Variants in CFAP46 observed in about 807,000 individuals in gnomAD.
The protein encoded by CFAP46 is cilia- and flagella-associated protein 46.
A neutral mutation model predicts 325.7 loss-of-function variants in CFAP46; 245 were observed. The ratio of observed to expected loss-of-function variants is 0.75; its 90% CI spans 0.68 to 0.84. CFAP46 has a LOEUF of 0.84. CFAP46 is among the 40% of genes least tolerant of loss of function. The probability of loss-of-function intolerance (pLI) is 0.00; values close to 1 mark genes in which losing one functional copy is unlikely to be tolerated. For missense variants in CFAP46, 3,346 were observed against 3,543.0 expected (o/e 0.94, Z 1.41); for synonymous variants, 1,523 against 1,495.9 (o/e 1.02, Z -0.42).
intron 20 of CFAP46, 67 bp from the exon 21 acceptor site, chr10:132,909,311 T>G: frequency 1.9e-6 from 2 of 1,069,416 alleles, no homozygotes; most frequent in Non-Finnish European, 2.8e-6. Context: ...TATGCGTGAA[T>G]TTAACACTGC....
intron 33 of CFAP46, among the ~76,000 whole-genome samples, chr10:132,868,723 A>T (rs1848853412): frequency 6.6e-6 from 1 of 152,232 alleles, no homozygotes; most frequent in Non-Finnish European, 1.5e-5. Flanking sequence ...TTTTCACTAT[A>T]AAATGTATCA....
chr10:132,814,381 TG>T, intron 53 of CFAP46, 127 bp from the exon 54 acceptor site: 1 of 1,019,184 alleles, frequency 9.8e-7, no homozygotes, highest in Non-Finnish European at 1.5e-6. Context: ...CATGCCCGGG[TG>T]GGGTGATGGT....
At chr10:132,858,441 G>GGGGGCGACCCCAGGTTT (rs1848678629) in intron 38 of CFAP46, among the ~76,000 whole-genome samples, 1 of 151,094 alleles carries the variant, frequency 6.6e-6, no homozygotes, top group South Asian at 2.1e-4. Flanking sequence ...AGGCTTTGCT[G>GGGGGCGACCCCAGGTTT]GGGGCGACCC....
chr10:132,851,377 G>C, intron 39 of CFAP46, 72 bp from the exon 40 acceptor site: 1 of 1,443,280 alleles, frequency 6.9e-7, no homozygotes, highest in Non-Finnish European at 9.4e-7. Context: ...CCACAACTTG[G>C]ATGAGGCATA....
At chr10:132,912,439 C>G (rs1404334121) in intron 19 of CFAP46, among the ~76,000 whole-genome samples, 1 of 117,428 alleles carries the variant, frequency 8.5e-6, no homozygotes, top group African/African-American at 3.3e-5. Context: ...CTCCCTCTCT[C>G]CTCTCCTCTC....
intron 22 of CFAP46, among the ~76,000 whole-genome samples, chr10:132,902,296 G>C (rs575122313): frequency 6.6e-6 from 1 of 151,262 alleles, no homozygotes; most frequent in Non-Finnish European, 1.5e-5. Flanking sequence ...GTGGCCCCAC[G>C]GGTCACAGAC....
At chr10:132,918,272 C>T (rs796351918) in intron 16 of CFAP46, 121 bp downstream of exon 16, 2 of 197,118 alleles carry the variant, frequency 1.0e-5, no homozygotes, top group South Asian at 7.4e-4. Context: ...GATGAACCCC[C>T]CTCTCCACGA....
intron 7 of CFAP46, 77 bp from the exon 8 acceptor site, chr10:132,934,939 TG>T (rs1849969552): frequency 1.1e-6 from 1 of 930,816 alleles, no homozygotes; most frequent in African/African-American, 1.6e-5. Flanking sequence ...AAACTCTGCG[TG>T]TATGAAATTG....
At chr10:132,821,809 T>C (rs1201736090) in intron 50 of CFAP46, among the ~76,000 whole-genome samples, 7 of 138,380 alleles carry the variant, frequency 5.1e-5, no homozygotes, top group Admixed American at 2.2e-4. Flanking sequence ...GTTGTGTGAG[T>C]GCTGATGTGT....
intron 22 of CFAP46, among the ~76,000 whole-genome samples, chr10:132,907,135 C>T (rs1163506141): frequency 6.6e-6 from 1 of 152,284 alleles, no homozygotes; most frequent in African/African-American, 2.4e-5. Context: ...CTGGGGCGCT[C>T]CTTGCCTCCG....
At chr10:132,912,565 C>CTCTCTTCCCCTCTCT in intron 19 of CFAP46, 90 bp downstream of exon 19, 1 of 1,015,276 alleles carries the variant, frequency 9.8e-7, no homozygotes, top group Non-Finnish European at 1.3e-6. Context: ...TCACCTCTCT[C>CTCTCTTCCCCTCTCT]CTCTTTCACC....
chr10:132,891,570 AC>A (rs1186087594), intron 25 of CFAP46, among the ~76,000 whole-genome samples: 1 of 152,238 alleles, frequency 6.6e-6, no homozygotes, highest in Non-Finnish European at 1.5e-5. Context: ...AGGGGCCCGC[AC>A]AGCTGTCTCT....
At chr10:132,882,478 G>A (rs1849062100) in intron 27 of CFAP46, among the ~76,000 whole-genome samples, 1 of 151,888 alleles carries the variant, frequency 6.6e-6, no homozygotes, top group Non-Finnish European at 1.5e-5. Context: ...GGAGGATGGA[G>A]CTGCAACATC....
intron 44 of CFAP46, among the ~76,000 whole-genome samples, chr10:132,842,519 G>C (rs1193055063): frequency 6.6e-6 from 1 of 152,132 alleles, no homozygotes; most frequent in African/African-American, 2.4e-5. Flanking sequence ...GTTTTTAAAA[G>C]CCTTCTCCTC....
intron 1 of CFAP46, 95 bp downstream of exon 1, chr10:132,942,341 G>A (rs973660672): frequency 4.2e-6 from 5 of 1,191,088 alleles, no homozygotes; most frequent in Non-Finnish European, 5.6e-6. Flanking sequence ...CATTGGGCGG[G>A]CTGGGATGAG....
chr10:132,919,514 G>T lies in CFAP46; in HGVS notation c.1731-72C>A, dbSNP rs972701761. The T allele has an allele frequency of 6.9e-5, 103 of 1,486,280 alleles. No homozygotes were observed. The African/African-American group carries it at 1.2e-3, about 18-fold the overall frequency. The allele number at this position is 1,486,280 out of a possible 1,614,324, so 92.1% of individuals were successfully genotyped here. A position where few individuals can be genotyped will look rare whatever the true frequency, so the allele number is the denominator to read the frequency against. ...GGTTGCTGAAGTTAGAAAACACCTG[G>T]GCTGGCTGCCTGAGAAAAGGCCACT... On this transcript the variant is annotated intron_variant, in intron 14 of 57. Coordinates refer to ENST00000368586, the MANE Select transcript of CFAP46 (RefSeq NM_001200049.3). The surrounding 1 kb of genome is among the most constrained non-coding windows in gnomAD (Gnocchi z 9.7).
In CFAP46 at chr10:132,887,424, CCCT is replaced by C. The variant is rs1480399344; in HGVS notation, c.3305-1468_3305-1466del. The stretch of plus-strand genomic sequence containing the variant: ...TCTCTCTCTCCTCTCCTCTCTCCTC[CCCT>C]CTTCTTTCCTCTCCCCTCTTCTCTC... On this transcript the variant is annotated intron_variant, in intron 25 of 57. Transcript: ENST00000368586. Among the ~76,000 whole-genome samples, 11 of 104,380 alleles carry C rather than the reference CCCT, an allele frequency of 1.1e-4. 2 individuals carry two copies. The highest frequency in any genetic ancestry group is 8.2e-4 in the Admixed American group (9 of 10,994). The allele number at this position is 104,380 out of a possible 152,430, so 68.5% of individuals were successfully genotyped here. A position where few individuals can be genotyped will look rare whatever the true frequency, so the allele number is the denominator to read the frequency against.
Position 132,822,164 on chromosome 10 carries a change from GTGTGTGCTGA to G in CFAP46, c.7118-7260_7118-7251del, listed in dbSNP as rs1360473481. ...TGTGTGCTGATGTGTGCTGTGTGCT[GTGTGTGCTGA>G]TGTGTGCTGATGTGTGCACTGTGTG... is the stretch of plus-strand genomic sequence containing the variant. On this transcript the variant is annotated intron_variant, in intron 50 of 57. Transcript: ENST00000368586. Among the ~76,000 whole-genome samples the G allele has an allele frequency of 4.0e-4, 57 of 141,738 alleles. 1 individual carries two copies. The highest frequency in any genetic ancestry group is 1.1e-3 in the African/African-American group (40 of 36,578). 93.0% of individuals were successfully genotyped at this position (141,738 alleles called of 152,430 possible).
Position 132,867,404 on chromosome 10 carries a change from C to T in CFAP46, c.4714G>A (p.Glu1572Lys), listed in dbSNP as rs957617052. Reference protein sequence around the residue: ...NEQTLPVQPGEIKPLDAKDKI... With the variant: ...NEQTLPVQPGKIKPLDAKDKI... ...TCCTTGGCGTCCAGTGGTTTGATCT[C>T]CCCAGGCTGGACAGGAAGTGTCTGC... The change falls in exon 34 of 58, where the codon GAG (glutamate) becomes AAG (lysine). Residue 1572 changes from glutamate to lysine, a missense_variant. Coordinates refer to ENST00000368586, the MANE Select transcript of CFAP46 (RefSeq NM_001200049.3). The T allele has an allele frequency of 1.3e-6, 2 of 1,550,358 alleles. No individual in the cohort carries two copies. The highest frequency in any genetic ancestry group is 2.7e-5 in the African/African-American group (2 of 73,044).
Sources: gnomAD v4.1 joint callset for allele counts (sites outside exome capture counted in the v4.1 genomes callset) on GRCh38, gnomAD v4.1.1 for gene constraint, Gnocchi (gnomAD v3.1) non-coding constraint, MANE v1.5 for transcripts, NCBI Gene and HGNC (gene_info 2026-07-23, HGNC 2026-07-21) for gene names.